Variants in MPPED1 observed in about 807,000 individuals in gnomAD.
MPPED1 encodes metallophosphoesterase domain containing 1.
A neutral mutation model predicts 36.2 loss-of-function variants in MPPED1; 16 were observed. The observed-to-expected ratio is 0.44, with a 90% CI of 0.30 to 0.67. The LOEUF (loss-of-function observed/expected upper bound fraction) is 0.67. Ranked by LOEUF, MPPED1 falls within the 30% of genes least tolerant of loss-of-function variation. The probability of loss-of-function intolerance (pLI) is 0.10; values close to 1 mark genes in which losing one functional copy is unlikely to be tolerated. For synonymous variants in MPPED1, 199 were observed against 191.3 expected (o/e 1.04, Z -0.33); for missense variants, 307 against 453.4 (o/e 0.68, Z 2.93).
intron 2 of MPPED1, among the ~76,000 whole-genome samples, chr22:43,431,105 G>T (rs905733436): frequency 8.0e-6 from 1 of 125,264 alleles, no homozygotes; most frequent in Non-Finnish European, 1.6e-5. Context: ...GCAGTGGTGC[G>T]ATCTCAGCTC....
At chr22:43,484,756 G>C (rs953280408) in intron 4 of MPPED1, among the ~76,000 whole-genome samples, 1 of 152,168 alleles carries the variant, frequency 6.6e-6, no homozygotes. Flanking sequence ...TCTAGGGCAG[G>C]TGTGAGCCCC....
At chr22:43,424,664 G>C (rs1039417781) in intron 1 of MPPED1, among the ~76,000 whole-genome samples, 3 of 145,766 alleles carry the variant, frequency 2.1e-5, no homozygotes, top group African/African-American at 7.7e-5. Flanking sequence ...TCCGTCCACA[G>C]TGCTGTGGGT....
Position 43,486,768 on chromosome 22 carries a change from T to C in MPPED1, c.633-11467T>C, listed in dbSNP as rs529876718. On this transcript the variant is annotated intron_variant, in intron 4 of 6. Coordinates refer to ENST00000443721, the MANE Select transcript of MPPED1 (RefSeq NM_001044370.2). ...AGGGGCCCCCAGGGGAGGTGAGCCT[T>C]CCTGGGGGTCCAGATGCAGCAGAGG... 6.2e-3 allele frequency among the ~76,000 whole-genome samples: 944 copies of C among 152,008 alleles called. 14 individuals carry two copies. Among genetic ancestry groups the C allele is most frequent in the African/African-American group, 0.022 (895 of 41,480 alleles).
intron 3 of MPPED1, among the ~76,000 whole-genome samples, chr22:43,454,239 C>T (rs981485922): frequency 6.6e-6 from 1 of 152,074 alleles, no homozygotes; most frequent in Non-Finnish European, 1.5e-5. Flanking sequence ...GAACTCCTGA[C>T]CTCAGGTGAT....
chr22:43,465,727 C>A (rs777675508), intron 3 of MPPED1, among the ~76,000 whole-genome samples: 1 of 151,964 alleles, frequency 6.6e-6, no homozygotes, highest in Non-Finnish European at 1.5e-5. Flanking sequence ...TGATAAAGTG[C>A]GAGTTGAATT....
chr22:43,412,187 G>C, intron 1 of MPPED1, 29 bp downstream of exon 1: 4 of 975,918 alleles, frequency 4.1e-6, no homozygotes, highest in Non-Finnish European at 3.6e-6. Flanking sequence ...GGGGCGCGGC[G>C]GGCGCGGGCG....
chr22:43,505,053 T>A (rs913822101), intron 6 of MPPED1, among the ~76,000 whole-genome samples: 2 of 151,642 alleles, frequency 1.3e-5, no homozygotes, highest in African/African-American at 4.8e-5. Flanking sequence ...TTGGTGATGA[T>A]GTTGATCATG....
At chr22:43,475,023 G>T (rs369451099) in intron 4 of MPPED1, 62 bp downstream of exon 4, 16 of 1,479,148 alleles carry the variant, frequency 1.1e-5, no homozygotes, top group Admixed American at 1.7e-5. Flanking sequence ...CTGAGCGCAG[G>T]GGGTGTAGGG....
At chr22:43,462,352 G>A (rs1601978942) in intron 3 of MPPED1, among the ~76,000 whole-genome samples, 2 of 152,174 alleles carry the variant, frequency 1.3e-5, no homozygotes, top group African/African-American at 4.8e-5. Context: ...GCCTCCTCCC[G>A]AGGCCTGGTT....
At chr22:43,424,639 T>C (rs912332265) in intron 1 of MPPED1, among the ~76,000 whole-genome samples, 6 of 152,080 alleles carry the variant, frequency 3.9e-5, no homozygotes, top group African/African-American at 1.4e-4. Context: ...TTAAACACGT[T>C]GAGCCATGCA....
At chr22:43,490,798 G>A (rs1267214596) in intron 4 of MPPED1, among the ~76,000 whole-genome samples, 3 of 152,202 alleles carry the variant, frequency 2.0e-5, no homozygotes, top group Non-Finnish European at 2.9e-5. Flanking sequence ...AAGCCACTGA[G>A]TCCTTCCCAG....
intron 3 of MPPED1, among the ~76,000 whole-genome samples, chr22:43,458,014 A>G (rs772568957): frequency 6.6e-6 from 1 of 152,202 alleles, no homozygotes; most frequent in Non-Finnish European, 1.5e-5. Flanking sequence ...CCATTGTGTT[A>G]CGATTGCCTG....
chr22:43,464,795 T>A (rs995054940), intron 3 of MPPED1, among the ~76,000 whole-genome samples: 1 of 152,224 alleles, frequency 6.6e-6, no homozygotes, highest in African/African-American at 2.4e-5. Flanking sequence ...TTTAGTTTTC[T>A]TTGCTCAGCT....
intron 3 of MPPED1, among the ~76,000 whole-genome samples, chr22:43,436,754 G>T (rs757774905): frequency 1.3e-5 from 2 of 152,258 alleles, no homozygotes; most frequent in African/African-American, 2.4e-5. Flanking sequence ...GGCTGGAGTC[G>T]CTGTGGGCCA....
At chr22:43,446,197 ACT>A (rs1012566042) in intron 3 of MPPED1, among the ~76,000 whole-genome samples, 6 of 152,068 alleles carry the variant, frequency 3.9e-5, no homozygotes, top group Admixed American at 2.0e-4. Context: ...TGCATTTTTA[ACT>A]CTGCCTCAAA....
intron 4 of MPPED1, 97 bp from the exon 5 acceptor site, chr22:43,498,138 T>C: frequency 2.2e-6 from 2 of 917,930 alleles, no homozygotes. Flanking sequence ...AGCGAGCTGG[T>C]CCTGAGGGCC....
intron 2 of MPPED1, among the ~76,000 whole-genome samples, chr22:43,431,353 T>C (rs549761346): frequency 1.1e-3 from 160 of 152,206 alleles, no homozygotes; most frequent in Admixed American, 1.8e-3. Flanking sequence ...TCTTTCTCCA[T>C]ATTTTGACTC....
rs1325339346 is a variant in MPPED1 at position 43,506,161 on chromosome 22, C to T, written c.*545C>T. 2.0e-5 allele frequency: 3 copies of T among 152,818 alleles called. No homozygotes were observed. Among genetic ancestry groups the T allele is most frequent in the African/African-American group, 7.2e-5 (3 of 41,454 alleles). 9.5% of individuals were successfully genotyped at this position (152,818 alleles called of 1,614,324 possible). On this transcript the variant is annotated 3_prime_UTR_variant, in exon 7 of 7. Transcript: ENST00000443721. ...TTTAGGGACATCTCAGGAATTCAGACCGCACCTGGCCAGGCCCACAGCTGT... is the reference window on the plus strand; with the variant it reads ...TTTAGGGACATCTCAGGAATTCAGATCGCACCTGGCCAGGCCCACAGCTGT...
intron 4 of MPPED1, among the ~76,000 whole-genome samples, chr22:43,490,479 G>A (rs1366724231): frequency 6.6e-6 from 1 of 152,150 alleles, no homozygotes; most frequent in Non-Finnish European, 1.5e-5. Flanking sequence ...CTAGAGGAAG[G>A]CTCCTTGGTG....
Sources: allele counts gnomAD v4.1 joint callset (sites outside exome capture counted in the v4.1 genomes callset), GRCh38; gene constraint gnomAD v4.1.1; transcripts MANE v1.5; gene names NCBI Gene and HGNC (gene_info 2026-07-23, HGNC 2026-07-21).